LRP6: variants seen among roughly 807,000 people sequenced by gnomAD.
The protein encoded by LRP6 is low-density lipoprotein receptor-related protein 6.
In LRP6, 43 loss-of-function variants were observed where a neutral mutation model predicts 184.1. That is an observed-to-expected ratio of 0.23 (90% CI 0.18 to 0.30). The LOEUF is 0.30. Ranked by LOEUF, LRP6 falls within the 10% of genes least tolerant of loss-of-function variation. The probability of loss-of-function intolerance (pLI) is 1.00; values close to 1 mark genes in which losing one functional copy is unlikely to be tolerated. For synonymous variants in LRP6, 719 were observed against 684.9 expected, an observed-to-expected ratio of 1.05 and a Z score of -0.78; for missense variants, 1,571 against 2,005.3, an observed-to-expected ratio of 0.78 and a Z score of 4.14.
intron 2 of LRP6, among the ~76,000 whole-genome samples, chr12:12,212,842 G>A (rs1864246798): frequency 6.6e-6 from 1 of 152,076 alleles, no homozygotes; most frequent in African/African-American, 2.4e-5. Context: ...AGTTTCTGAG[G>A]AAAATTTTGT....
At chr12:12,186,658 C>CTT (rs34355990) in intron 4 of LRP6, 15,929 of 288,076 alleles carry the variant, frequency 0.055, 146 homozygotes, top group South Asian at 0.094. Flanking sequence ...GGGATTTTAA[C>CTT]TTTTTTTTTT....
At chr12:12,128,902 C>T (rs1275637100) in intron 19 of LRP6, among the ~76,000 whole-genome samples, 7 of 152,168 alleles carry the variant, frequency 4.6e-5, no homozygotes, top group African/African-American at 1.4e-4. Flanking sequence ...ACTCCGAAAT[C>T]TGTTCTCTCC....
In LRP6 at chr12:12,266,820, G is replaced by T; in HGVS notation, c.-85C>A. 2 of 1,080,702 alleles carry T rather than the reference G, an allele frequency of 1.9e-6. No homozygotes were observed. Among genetic ancestry groups the T allele is most frequent in the Non-Finnish European group, 2.8e-6 (2 of 710,046 alleles). The allele number at this position is 1,080,702 out of a possible 1,614,324, so 66.9% of individuals were successfully genotyped here. Reference sequence around the variant, plus strand: ...AGGAGCCGGGGCGGCCGCCGCAGCGGCAGGGCTGCACGCTCATACTTCCCA... The same window carrying T: ...AGGAGCCGGGGCGGCCGCCGCAGCGTCAGGGCTGCACGCTCATACTTCCCA... On this transcript the variant is annotated 5_prime_UTR_variant, in exon 1 of 23. An upstream open reading frame in the 5' UTR gains an earlier in-frame stop. Coordinates refer to ENST00000261349, the MANE Select transcript of LRP6 (RefSeq NM_002336.3).
chr12:12,252,725 T>A (rs974850907), intron 1 of LRP6, among the ~76,000 whole-genome samples: 1 of 152,188 alleles, frequency 6.6e-6, no homozygotes, highest in East Asian at 1.9e-4. Context: ...AGTTAAGAAT[T>A]CACATCATTT....
chr12:12,218,476 CAATAATAAT>C (rs71435901), intron 2 of LRP6, among the ~76,000 whole-genome samples: 47,866 of 139,792 alleles, frequency 0.34, 9,808 homozygotes, highest in East Asian at 0.67. Context: ...GACCCTCTCT[CAATAATAAT>C]AATAATAATA....
At chr12:12,166,778 A>G (rs951358733) in intron 7 of LRP6, among the ~76,000 whole-genome samples, 9 of 152,230 alleles carry the variant, frequency 5.9e-5, no homozygotes, top group Non-Finnish European at 1.3e-4. Context: ...AATAGCTTAA[A>G]CAAAAGATGG....
intron 3 of LRP6, among the ~76,000 whole-genome samples, chr12:12,201,130 T>G (rs1476206636): frequency 6.6e-6 from 1 of 152,218 alleles, no homozygotes; most frequent in Non-Finnish European, 1.5e-5. Context: ...TAGCTTGCTT[T>G]CTGAGATCTA....
chr12:12,201,470 T>G (rs1175289685), intron 3 of LRP6, among the ~76,000 whole-genome samples: 1 of 152,134 alleles, frequency 6.6e-6, no homozygotes, highest in Admixed American at 6.5e-5. Context: ...GTCCAGCAAA[T>G]AGCTGTGGCT....
intron 2 of LRP6, chr12:12,226,757 C>T (rs1283234407): frequency 6.6e-6 from 1 of 152,150 alleles, no homozygotes; most frequent in Non-Finnish European, 1.5e-5. Flanking sequence ...CATGCAAATT[C>T]GTGAAGCGTT....
At chr12:12,238,650 T>C (rs552787104) in intron 2 of LRP6, among the ~76,000 whole-genome samples, 1 of 152,274 alleles carries the variant, frequency 6.6e-6, no homozygotes, top group Admixed American at 6.5e-5. Flanking sequence ...CGTAGAATTC[T>C]ATACTCAACT....
At chr12:12,152,769 C>T (rs1950100082) in intron 12 of LRP6, among the ~76,000 whole-genome samples, 1 of 152,210 alleles carries the variant, frequency 6.6e-6, no homozygotes, top group South Asian at 2.1e-4. Context: ...GCCACGACTC[C>T]TTGCTTTATT....
intron 3 of LRP6, among the ~76,000 whole-genome samples, chr12:12,195,904 ATG>A (rs1385090048): frequency 6.6e-6 from 1 of 152,086 alleles, no homozygotes; most frequent in African/African-American, 2.4e-5. Flanking sequence ...ATTCTTCCAC[ATG>A]TGGATATCCA....
chr12:12,241,620 G>A (rs1865067272), intron 2 of LRP6, among the ~76,000 whole-genome samples: 1 of 152,088 alleles, frequency 6.6e-6, no homozygotes, highest in Admixed American at 6.5e-5. Context: ...TAAAGCTGGG[G>A]AGGGGGGTTG....
In LRP6 at chr12:12,181,386, A is replaced by G. The variant is rs1307302259; in HGVS notation, c.1030T>C (p.Leu344=). 2 of 1,534,556 alleles carry G rather than the reference A, an allele frequency of 1.3e-6. No individual in the cohort carries two copies. The highest frequency in any genetic ancestry group is 1.8e-6 in the Non-Finnish European group (2 of 1,107,708). The change falls in exon 6 of 23, where the codon TTG becomes CTG. Residue 344 remains leucine (L), a synonymous_variant. Coordinates refer to ENST00000261349, the MANE Select transcript of LRP6 (RefSeq NM_002336.3). ...ARRTDLRRIS[L]DTPDFTDIVL... ...ATGTCTGTAAAATCTGGTGTATCCA[A>G]AGAAATGCGTCTCAAGTCTGTCCTT...
intron 7 of LRP6, among the ~76,000 whole-genome samples, chr12:12,171,386 G>A (rs1052816242): frequency 2.0e-5 from 3 of 152,042 alleles, no homozygotes. Flanking sequence ...GCCAGGCGTG[G>A]TGGCGGGTGC....
At chr12:12,151,720 A>C (rs1439225152) in intron 12 of LRP6, among the ~76,000 whole-genome samples, 2 of 152,132 alleles carry the variant, frequency 1.3e-5, no homozygotes, top group African/African-American at 4.8e-5. Flanking sequence ...TTTATAAAAA[A>C]TTAATAGAGA....
At chr12:12,241,475 C>G (rs1865064011) in intron 2 of LRP6, among the ~76,000 whole-genome samples, 2 of 152,112 alleles carry the variant, frequency 1.3e-5, no homozygotes, top group African/African-American at 4.8e-5. Context: ...TTTAAATACG[C>G]TCCATCATTT....
intron 3 of LRP6, among the ~76,000 whole-genome samples, chr12:12,191,043 AC>A (rs1863599383): frequency 6.6e-6 from 1 of 152,236 alleles, no homozygotes; most frequent in Non-Finnish European, 1.5e-5. Context: ...TGAGAAAGAA[AC>A]AATAGGACAT....
rs749441005 is a variant in LRP6, at chr12:12,255,566, C to CTTT, written c.56-10914_56-10912dup. On this transcript the variant is annotated intron_variant, in intron 1 of 22. Coordinates refer to ENST00000261349, the MANE Select transcript of LRP6 (RefSeq NM_002336.3). Reference sequence around the variant, plus strand: ...TTGTTTTTGCTTTTGGGTTTGGTCACTTTTTTTTTTTTTTTTTTTTTTGAG... The same window carrying CTTT: ...TTGTTTTTGCTTTTGGGTTTGGTCACTTTTTTTTTTTTTTTTTTTTTTTTTGAG... Among the ~76,000 whole-genome samples the CTTT allele has an allele frequency of 1.3e-3, 146 of 114,118 alleles. 1 individual carries two copies. The highest frequency in any genetic ancestry group is 4.8e-3 in the Middle Eastern group (1 of 208). The allele number at this position is 114,118 out of a possible 152,430, so 74.9% of individuals were successfully genotyped here.
Sources: allele counts gnomAD v4.1 joint callset (sites outside exome capture counted in the v4.1 genomes callset), GRCh38; gene constraint gnomAD v4.1.1; transcripts MANE v1.5; gene names NCBI Gene and HGNC (gene_info 2026-07-23, HGNC 2026-07-21).